Variants in PPP4C observed in about 807,000 individuals in gnomAD.
PPP4C encodes protein phosphatase 4 catalytic subunit, also known as serine/threonine-protein phosphatase 4 catalytic subunit.
Under a neutral mutation model 40.5 loss-of-function variants are expected in PPP4C, and 10 were observed. The observed-to-expected ratio is 0.25, with a 90% CI of 0.15 to 0.42. PPP4C has a LOEUF of 0.42. Ranked by LOEUF, PPP4C falls within the 10% of genes least tolerant of loss-of-function variation. The pLI, the probability that PPP4C is intolerant of heterozygous loss-of-function variation, is 1.00. For missense variants in PPP4C, 191 were observed against 416.4 expected, an observed-to-expected ratio of 0.46 and a Z score of 4.71; for synonymous variants, 187 against 163.6, an observed-to-expected ratio of 1.14 and a Z score of -1.09.
Position 30,076,005 on chromosome 16 carries a change from G to GGGCGGC in PPP4C, c.-153_-152insGGCGGC, listed in dbSNP as rs2072380240. The GGGCGGC allele has an allele frequency of 8.3e-6, 3 of 360,534 alleles. No homozygotes were observed. The highest frequency in any genetic ancestry group is 6.9e-5 in the African/African-American group (3 of 43,718). The allele number at this position is 360,534 out of a possible 1,614,324, so 22.3% of individuals were successfully genotyped here. On this transcript the variant is annotated 5_prime_UTR_variant, in exon 1 of 9. Coordinates refer to ENST00000279387, the MANE Select transcript of PPP4C (RefSeq NM_002720.3). ...GCTTCCGCGGCGGGGCCGGAAGTAG[G>GGGCGGC]AGCGGCGGCGGCGGCGGCGGCGGCG...
At chr16:30,082,916 G>A (rs941475744) in intron 5 of PPP4C, 69 bp downstream of exon 5, 7 of 1,337,328 alleles carry the variant, frequency 5.2e-6, no homozygotes, top group East Asian at 2.3e-5. Flanking sequence ...AGTCCGTTCC[G>A]CCCTCATCTC....
chr16:30,082,929 A>C, intron 5 of PPP4C, 82 bp downstream of exon 5: 4 of 1,187,874 alleles, frequency 3.4e-6, no homozygotes, highest in Middle Eastern at 2.1e-4. Context: ...CTCATCTCCT[A>C]TCGTGACCAG....
chr16:30,085,227 T>A lies in PPP4C; in HGVS notation c.*165T>A. On this transcript the variant is annotated 3_prime_UTR_variant, in exon 9 of 9. Transcript: ENST00000279387. ...ACTTCTCTGGAGAGGCCTGGAGACC[T>A]AGCTCCATGTTCCTCCTCCTCTCTC... The A allele has an allele frequency of 1.4e-6, 1 of 694,524 alleles. No homozygotes were observed. The highest frequency in any genetic ancestry group is 2.3e-5 in the South Asian group (1 of 43,926). 43.0% of individuals were successfully genotyped at this position (694,524 alleles called of 1,614,324 possible).
At chr16:30,076,154 G>A in intron 1 of PPP4C, 60 bp downstream of exon 1, 1 of 575,856 alleles carries the variant, frequency 1.7e-6, no homozygotes, top group Non-Finnish European at 3.1e-6. Context: ...GGGTTCGACG[G>A]GAGTTAGCGG....
At chr16:30,077,915 ACAGGGCCTGTGAGGGGATGATGAG>A (rs2072432721) in intron 2 of PPP4C, among the ~76,000 whole-genome samples, 1 of 152,176 alleles carries the variant, frequency 6.6e-6, no homozygotes, top group Admixed American at 6.5e-5. Flanking sequence ...CTGCAGCCAG[ACAGGGCCTGTGAGGGGATGATGAG>A]CAGGGTCGGC....
At chr16:30,084,044 G>A (rs937068403) in intron 7 of PPP4C, among the ~76,000 whole-genome samples, 1 of 152,240 alleles carries the variant, frequency 6.6e-6, no homozygotes, top group African/African-American at 2.4e-5. Context: ...TCAGAGGTCA[G>A]AACCCCAGAA....
intron 7 of PPP4C, among the ~76,000 whole-genome samples, 198 bp from the exon 8 acceptor site, chr16:30,084,468 C>T (rs558098406): frequency 1.4e-4 from 21 of 152,376 alleles, no homozygotes; most frequent in Admixed American, 1.4e-3. Context: ...GGCGTTCTTT[C>T]TCCTCTGGAG....
At chr16:30,082,717 A>G (rs1170818299) in intron 4 of PPP4C, 29 bp from the exon 5 acceptor site, 1 of 1,601,536 alleles carries the variant, frequency 6.2e-7, no homozygotes, top group Non-Finnish European at 8.5e-7. Flanking sequence ...ACTGTTTACG[A>G]CAGGGCAAAA....
chr16:30,083,641 G>A lies in PPP4C; in HGVS notation c.478-14G>A. ...GGCCTCAGCCCCGTCCTCTTTCCCT[G>A]CTCTCCCCTGTAGATCTTCTGCGTG... On this transcript the variant is annotated splice_polypyrimidine_tract_variant and intron_variant, in intron 6 of 8. Coordinates refer to ENST00000279387, the MANE Select transcript of PPP4C (RefSeq NM_002720.3). The surrounding 1 kb of genome is among the most constrained non-coding windows in gnomAD (Gnocchi z 6.3). The A allele has an allele frequency of 6.2e-7, 1 of 1,614,094 alleles. No individual in the cohort carries two copies. Among genetic ancestry groups the A allele is most frequent in the Non-Finnish European group, 8.5e-7 (1 of 1,180,014 alleles).
Position 30,076,002 on chromosome 16 carries a change from T to G in PPP4C, c.-156T>G. 2.9e-6 allele frequency: 1 copy of G among 341,384 alleles called. No individual in the cohort carries two copies. Among genetic ancestry groups the G allele is most frequent in the Non-Finnish European group, 5.4e-6 (1 of 184,958 alleles). The allele number at this position is 341,384 out of a possible 1,614,324, so 21.1% of individuals were successfully genotyped here. A position where few individuals can be genotyped will look rare whatever the true frequency, so the allele number is the denominator to read the frequency against. On this transcript the variant is annotated 5_prime_UTR_variant, in exon 1 of 9. Transcript: ENST00000279387. ...TTTGCTTCCGCGGCGGGGCCGGAAG[T>G]AGGAGCGGCGGCGGCGGCGGCGGCG...
rs1048448311 is a variant in PPP4C, at chr16:30,085,187, G to A, written c.*125G>A. 4 of 1,280,286 alleles carry A rather than the reference G, an allele frequency of 3.1e-6. No individual in the cohort carries two copies. The Admixed American group carries it at 8.4e-5, about 27-fold the overall frequency. The allele number at this position is 1,280,286 out of a possible 1,614,324, so 79.3% of individuals were successfully genotyped here. A position where few individuals can be genotyped will look rare whatever the true frequency, so the allele number is the denominator to read the frequency against. On this transcript the variant is annotated 3_prime_UTR_variant, in exon 9 of 9. Transcript: ENST00000279387. ...TGGCTCTGCTGTCCCCCAAGAGGGT[G>A]CTTCGAGGGTGAGGACTTCTCTGGA...
At chr16:30,084,396 T>A (rs1244797381) in intron 7 of PPP4C, among the ~76,000 whole-genome samples, 1 of 152,224 alleles carries the variant, frequency 6.6e-6, no homozygotes, top group Non-Finnish European at 1.5e-5. Flanking sequence ...CCTTTCACTC[T>A]TATGTGCTGT....
intron 2 of PPP4C, among the ~76,000 whole-genome samples, chr16:30,077,254 G>C (rs1425497383): frequency 1.3e-5 from 2 of 152,286 alleles, no homozygotes; most frequent in Admixed American, 1.3e-4. Context: ...TTGTAAAGCA[G>C]AATTAATAGT....
chr16:30,076,122 C>T lies in PPP4C; in HGVS notation c.-64+28C>T, dbSNP rs1199311352. On this transcript the variant is annotated intron_variant, in intron 1 of 8. Transcript: ENST00000279387. ...AATAGTGCGAGACTCCTCTAAGTCA[C>T]CGTCCTTAGCGCGGGACCGCGGGGT... 6 of 555,086 alleles carry T rather than the reference C, an allele frequency of 1.1e-5. No homozygotes were observed. In the East Asian group the frequency reaches 1.5e-4, roughly 14 times the overall value. 34.4% of individuals were successfully genotyped at this position (555,086 alleles called of 1,614,324 possible).
chr16:30,078,482 G>C (rs1169844162), intron 2 of PPP4C, among the ~76,000 whole-genome samples: 1 of 152,214 alleles, frequency 6.6e-6, no homozygotes, highest in African/African-American at 2.4e-5. Context: ...TTGAAACTGA[G>C]TGGAACTAGG....
intron 1 of PPP4C, 97 bp downstream of exon 1, chr16:30,076,191 G>C (rs922853738): frequency 3.3e-6 from 2 of 614,458 alleles, no homozygotes; most frequent in African/African-American, 3.8e-5. Context: ...TTGGACGCCG[G>C]GGGGTCCTGG....
chr16:30,085,255 C>G lies in PPP4C; in HGVS notation c.*193C>G, dbSNP rs767940021. 2.8e-5 allele frequency: 13 copies of G among 461,670 alleles called. No individual in the cohort carries two copies. Among genetic ancestry groups the G allele is most frequent in the Non-Finnish European group, 4.8e-5 (13 of 268,356 alleles). 28.6% of individuals were successfully genotyped at this position (461,670 alleles called of 1,614,324 possible). A position where few individuals can be genotyped will look rare whatever the true frequency, so the allele number is the denominator to read the frequency against. On this transcript the variant is annotated 3_prime_UTR_variant, in exon 9 of 9. Coordinates refer to ENST00000279387, the MANE Select transcript of PPP4C (RefSeq NM_002720.3). ...CTCCATGTTCCTCCTCCTCTCTCCC[C>G]ACTTGAACCATGAAGTTTCCAATAA...
chr16:30,082,274 C>T (rs2072524892), intron 3 of PPP4C, among the ~76,000 whole-genome samples: 1 of 152,154 alleles, frequency 6.6e-6, no homozygotes, highest in Non-Finnish European at 1.5e-5. Flanking sequence ...TTAGTTCTAG[C>T]TCTTGCCTAC....
intron 2 of PPP4C, 88 bp from the exon 3 acceptor site, chr16:30,081,171 C>T: frequency 2.5e-6 from 4 of 1,587,994 alleles, no homozygotes; most frequent in Non-Finnish European, 3.4e-6. Flanking sequence ...TCCAGGACTG[C>T]CTCATATCCT....
Sources: gnomAD v4.1 joint callset for allele counts (sites outside exome capture counted in the v4.1 genomes callset) on GRCh38, gnomAD v4.1.1 for gene constraint, Gnocchi (gnomAD v3.1) non-coding constraint, MANE v1.5 for transcripts, NCBI Gene and HGNC (gene_info 2026-07-23, HGNC 2026-07-21) for gene names.